Variants in XIRP2 observed in about 807,000 individuals in gnomAD.
The protein encoded by XIRP2 is xin actin-binding repeat-containing protein 2.
In XIRP2, 236 loss-of-function variants were observed where a neutral mutation model predicts 277.0. The ratio of observed to expected loss-of-function variants is 0.85; its 90% CI spans 0.77 to 0.95. The LOEUF is 0.95. XIRP2 is among the 40% of genes least tolerant of loss of function. The probability of loss-of-function intolerance (pLI) is 0.00; values close to 1 mark genes in which losing one functional copy is unlikely to be tolerated. For missense variants in XIRP2, 4,640 were observed against 4,157.5 expected (o/e 1.12, Z -3.19); for synonymous variants, 1,490 against 1,416.5 (o/e 1.05, Z -1.17).
At position 167,196,265 on chromosome 2, in the gene XIRP2, A is replaced by G. The variant is rs16853197; in HGVS notation, c.563-14470A>G. 8.1e-4 allele frequency among the ~76,000 whole-genome samples: 123 copies of G among 152,280 alleles called. 2 individuals carry two copies. The East Asian group carries it at 0.022, about 28-fold the overall frequency. Reference sequence around the variant, plus strand: ...TACATTTTAAAAGTTTGGGCAACATACGATTAGAGATTAAATAGTTACTAG... The same window carrying G: ...TACATTTTAAAAGTTTGGGCAACATGCGATTAGAGATTAAATAGTTACTAG... On this transcript the variant is annotated intron_variant, in intron 3 of 10. Transcript: ENST00000409195.
At chr2:166,914,538 C>T (rs1416193712) in intron 2 of XIRP2, among the ~76,000 whole-genome samples, 1 of 151,982 alleles carries the variant, frequency 6.6e-6, no homozygotes, top group African/African-American at 2.4e-5. Context: ...GATGGGATTT[C>T]ACCATGTTAG....
intron 2 of XIRP2, among the ~76,000 whole-genome samples, chr2:167,093,400 G>T (rs2105277737): frequency 6.6e-6 from 1 of 152,014 alleles, no homozygotes; most frequent in East Asian, 1.9e-4. Flanking sequence ...TATGTGCCCT[G>T]GTGGTTTGCT....
chr2:166,977,736 A>G (rs1686752622), intron 2 of XIRP2, among the ~76,000 whole-genome samples: 1 of 152,190 alleles, frequency 6.6e-6, no homozygotes, highest in African/African-American at 2.4e-5. Context: ...GGAATAAGTG[A>G]AGTAAACCTT....
At chr2:166,932,028 T>C (rs1230470117) in intron 2 of XIRP2, among the ~76,000 whole-genome samples, 1 of 152,216 alleles carries the variant, frequency 6.6e-6, no homozygotes, top group Non-Finnish European at 1.5e-5. Context: ...AACCACTTTG[T>C]CAATGTTTAT....
intron 3 of XIRP2, among the ~76,000 whole-genome samples, chr2:167,143,867 C>A (rs1013317678): frequency 2.0e-5 from 3 of 151,898 alleles, no homozygotes; most frequent in Non-Finnish European, 4.4e-5. Flanking sequence ...AAAGCCACTA[C>A]ATAAATTAGC....
At position 167,241,888 on chromosome 2, in the gene XIRP2, C is replaced by T; in HGVS notation, c.1154C>T (p.Thr385Ile). 2 of 1,612,902 alleles carry T rather than the reference C, an allele frequency of 1.2e-6. No homozygotes were observed. Among genetic ancestry groups the T allele is most frequent in the Non-Finnish European group, 1.7e-6 (2 of 1,179,500 alleles). The stretch of plus-strand genomic sequence containing the variant: ...ATCCTTTATTCTGACAAAGAGATGA[C>T]AACCCCAGCCAAGCAGATTAAGGTA... ...EKILYSDKEM[T>I]TPAKQIKTES... The change falls in exon 8 of 11, where the codon ACA becomes ATA. Residue 385 changes from threonine to isoleucine, a missense_variant. Physicochemically the swap from Thr to Ile is moderately conservative, Grantham distance 89 (BLOSUM62 -1). Transcript: ENST00000409195.
chr2:167,179,323 G>GTTTTTTTTTTTCTTTTTTTTTTTTTT (rs1553496043), intron 3 of XIRP2, among the ~76,000 whole-genome samples: 3 of 120,504 alleles, frequency 2.5e-5, no homozygotes, highest in African/African-American at 6.3e-5. Flanking sequence ...TTTTTTTCTT[G>GTTTTTTTTTTTCTTTTTTTTTTTTTT]TTTTTTTTTT....
chr2:167,010,469 G>C (rs1687644149), intron 2 of XIRP2, among the ~76,000 whole-genome samples: 1 of 152,006 alleles, frequency 6.6e-6, no homozygotes, highest in Non-Finnish European at 1.5e-5. Flanking sequence ...TTTGGTTACT[G>C]TAGCCTTGTA....
Position 167,245,720 on chromosome 2 carries a change from A to T in XIRP2, c.4328A>T (p.Glu1443Val). 1 of 1,613,704 alleles carries T rather than the reference A, an allele frequency of 6.2e-7. No individual in the cohort carries two copies. Among genetic ancestry groups the T allele is most frequent in the Non-Finnish European group, 8.5e-7 (1 of 1,179,744 alleles). The change falls in exon 9 of 11, where the codon GAA becomes GTA. Residue 1443 changes from glutamate to valine, a missense_variant. By Grantham distance (121) the Glu-to-Val change is moderately radical. Transcript: ENST00000409195. ...NNYIRTVSVN[E>V]IQKGNVKTST... ...TATATACGAACAGTAAGTGTCAATGAAATACAAAAGGGCAATGTTAAAACA... is the reference window on the plus strand; with the variant it reads ...TATATACGAACAGTAAGTGTCAATGTAATACAAAAGGGCAATGTTAAAACA...
rs753302883 is a variant in XIRP2 at position 167,251,139 on chromosome 2, T to C, written c.9747T>C (p.Ser3249=). ...TIPVNINHAA[S]GSFRESVDAQ... ...CAGTAAATATAAATCATGCTGCTAGTGGTTCCTTCAGAGAATCTGTGGACG... is the reference window on the plus strand; with the variant it reads ...CAGTAAATATAAATCATGCTGCTAGCGGTTCCTTCAGAGAATCTGTGGACG... Residue 3249 remains serine (S), a synonymous_variant, in exon 9 of 11, where the codon AGT becomes AGC. Coordinates refer to ENST00000409195, the MANE Select transcript of XIRP2 (RefSeq NM_152381.6). The C allele has an allele frequency of 1.1e-5, 18 of 1,613,472 alleles. 1 individual carries two copies. In the South Asian group the frequency reaches 1.9e-4, roughly 17 times the overall value.
intron 1 of XIRP2, among the ~76,000 whole-genome samples, chr2:166,897,401 G>A (rs955004050): frequency 3.3e-5 from 5 of 152,058 alleles, no homozygotes; most frequent in African/African-American, 1.2e-4. Context: ...TGGTAATAGA[G>A]GGAATGGTGG....
At position 167,154,438 on chromosome 2, in the gene XIRP2, T is replaced by A. The variant is rs1266155407; in HGVS notation, c.562+18376T>A. 2.0e-5 allele frequency among the ~76,000 whole-genome samples: 3 copies of A among 150,724 alleles called. No individual in the cohort carries two copies. The East Asian group carries it at 5.8e-4, about 29-fold the overall frequency. On this transcript the variant is annotated intron_variant, in intron 3 of 10. Coordinates refer to ENST00000409195, the MANE Select transcript of XIRP2 (RefSeq NM_152381.6). ...TTAGATCCCATTTGTCAATTTTGTC[T>A]TTTGTTGCCATTGCTTTTGGTGTTT... is the stretch of plus-strand genomic sequence containing the variant.
At position 167,243,306 on chromosome 2, in the gene XIRP2, A is replaced by T. The variant is rs1206112087; in HGVS notation, c.1914A>T (p.Glu638Asp). ...GGGCTTATTCTTCTGACACTGTAGA[A>T]AATGCAGAGAAAATTCCTGAGCTAG... Reference protein sequence around the residue: ...TLGAYSSDTVENAEKIPELAR... With the variant: ...TLGAYSSDTVDNAEKIPELAR... Residue 638 changes from glutamate (E) to aspartate (D), a missense_variant, in exon 9 of 11, where the codon GAA (glutamate) becomes GAT (aspartate). Glu to Asp is a conservative substitution (Grantham distance 45, BLOSUM62 2). Coordinates refer to ENST00000409195, the MANE Select transcript of XIRP2 (RefSeq NM_152381.6). The T allele has an allele frequency of 1.2e-6, 2 of 1,613,748 alleles. No homozygotes were observed. The highest frequency in any genetic ancestry group is 3.3e-4 in the Middle Eastern group (2 of 6,062).
chr2:166,904,808 A>G (rs753355637), intron 2 of XIRP2, among the ~76,000 whole-genome samples: 9 of 152,130 alleles, frequency 5.9e-5, no homozygotes, highest in Non-Finnish European at 1.2e-4. Flanking sequence ...TTTGGTTTTC[A>G]CCTAATGACA....
intron 2 of XIRP2, among the ~76,000 whole-genome samples, chr2:167,119,658 A>T (rs1046327139): frequency 2.0e-5 from 3 of 152,220 alleles, no homozygotes; most frequent in Non-Finnish European, 2.9e-5. Flanking sequence ...TTTGTTAAAT[A>T]AACAAGTAGA....
At chr2:167,065,169 T>A (rs1241308723) in intron 2 of XIRP2, among the ~76,000 whole-genome samples, 1 of 151,932 alleles carries the variant, frequency 6.6e-6, no homozygotes, top group Non-Finnish European at 1.5e-5. Context: ...TACTTGTTAT[T>A]TTCTTTTATT....
chr2:166,930,879 A>G (rs1404370461), intron 2 of XIRP2, among the ~76,000 whole-genome samples: 1 of 152,182 alleles, frequency 6.6e-6, no homozygotes, highest in Admixed American at 6.5e-5. Flanking sequence ...GAGAGTAGTT[A>G]GCTGTGTTAC....
chr2:167,190,841 C>G lies in XIRP2; in HGVS notation c.563-19894C>G, dbSNP rs574077693. Among the ~76,000 whole-genome samples the G allele has an allele frequency of 3.3e-5, 5 of 152,206 alleles. No homozygotes were observed. The South Asian group carries it at 8.3e-4, about 25-fold the overall frequency. On this transcript the variant is annotated intron_variant, in intron 3 of 10. Transcript: ENST00000409195. Reference sequence around the variant, plus strand: ...AAATAATGGCATAAAAATAACCTACCAGTGAGCACCACAGAAGGTAATCCA... The same window carrying G: ...AAATAATGGCATAAAAATAACCTACGAGTGAGCACCACAGAAGGTAATCCA...
In XIRP2 at chr2:166,977,456, A is replaced by G. The variant is rs369040590; in HGVS notation, c.408+73566A>G. ...TCAATAAAAAATTTGGAAGATATTT[A>G]TAGTGAACCATTAAATATCCATCAT... On this transcript the variant is annotated intron_variant, in intron 2 of 10. Coordinates refer to ENST00000409195, the MANE Select transcript of XIRP2 (RefSeq NM_152381.6). Among the ~76,000 whole-genome samples the G allele has an allele frequency of 5.9e-5, 9 of 152,300 alleles. 2 individuals carry two copies. Among genetic ancestry groups the G allele is most frequent in the African/African-American group, 2.2e-4 (9 of 41,584 alleles).
Sources: allele counts gnomAD v4.1 joint callset (sites outside exome capture counted in the v4.1 genomes callset), GRCh38; gene constraint gnomAD v4.1.1; transcripts MANE v1.5; gene names NCBI Gene and HGNC (gene_info 2026-07-23, HGNC 2026-07-21).